The following GRIK1 variants were observed in gnomAD, a reference collection of about 807,000 sequenced individuals.
GRIK1 encodes the protein glutamate receptor ionotropic, kainate 1.
A neutral mutation model predicts 105.7 loss-of-function variants in GRIK1; 69 were observed. The ratio of observed to expected loss-of-function variants is 0.65; its 90% CI spans 0.54 to 0.80. GRIK1 has a LOEUF of 0.80. Among genes scored for constraint, GRIK1 ranks in the 30% least tolerant of loss-of-function variants. The pLI, the probability that GRIK1 is intolerant of heterozygous loss-of-function variation, is 0.00. For synonymous variants in GRIK1, 438 were observed against 431.3 expected (o/e 1.02, Z -0.19); for missense variants, 1,109 against 1,167.3 (o/e 0.95, Z 0.73).
At chr21:29,840,974 A>G (rs2067964300) in intron 1 of GRIK1, among the ~76,000 whole-genome samples, 1 of 152,192 alleles carries the variant, frequency 6.6e-6, no homozygotes, top group Non-Finnish European at 1.5e-5. Flanking sequence ...GATGATTACA[A>G]TAGTTGACTG....
chr21:29,553,975 T>C (rs1308262027), intron 16 of GRIK1, among the ~76,000 whole-genome samples: 1 of 152,162 alleles, frequency 6.6e-6, no homozygotes, highest in Non-Finnish European at 1.5e-5. Context: ...GGGTGTTCAT[T>C]GTTGTCATAG....
intron 1 of GRIK1, among the ~76,000 whole-genome samples, chr21:29,785,468 G>T (rs1407068275): frequency 6.6e-6 from 1 of 150,616 alleles, no homozygotes; most frequent in Non-Finnish European, 1.5e-5. Flanking sequence ...GGAGGTTGAG[G>T]CAGGAGAATC....
At chr21:29,582,978 G>A (rs1192632019) in intron 12 of GRIK1, among the ~76,000 whole-genome samples, 1 of 152,080 alleles carries the variant, frequency 6.6e-6, no homozygotes, top group East Asian at 1.9e-4. Context: ...TCCAGCACAA[G>A]GAAATGAGCA....
rs2063190602 is a variant in GRIK1 at position 29,673,067 on chromosome 21, A to G, written c.642T>C (p.Pro214=). ...TGCCTTTCTTCATCTCCTTGAGTAA[A>G]GGCTTGGCATCTTTATTCCCAGAGG... is the stretch of plus-strand genomic sequence containing the variant. ...QLPSGNKDAK[P]LLKEMKKGKE... Residue 214 remains proline, a synonymous_variant, in exon 4 of 18, where the codon CCT becomes CCC. Coordinates refer to ENST00000327783, the MANE Select transcript of GRIK1 (RefSeq NM_001330994.2). The G allele has an allele frequency of 6.2e-7, 1 of 1,612,496 alleles. No individual in the cohort carries two copies. The highest frequency in any genetic ancestry group is 8.5e-7 in the Non-Finnish European group (1 of 1,178,556).
chr21:29,575,621 C>T (rs2090872440), intron 14 of GRIK1, among the ~76,000 whole-genome samples: 1 of 152,058 alleles, frequency 6.6e-6, no homozygotes, highest in Non-Finnish European at 1.5e-5. Flanking sequence ...ATCACAAGGT[C>T]AGGAGTTCAA....
At chr21:29,621,320 C>T (rs926112163) in intron 7 of GRIK1, among the ~76,000 whole-genome samples, 7 of 152,184 alleles carry the variant, frequency 4.6e-5, no homozygotes, top group African/African-American at 1.7e-4. Context: ...CCTAAGAACA[C>T]TCAAATGTGG....
chr21:29,859,248 A>G (rs997142463), intron 1 of GRIK1, among the ~76,000 whole-genome samples: 1 of 151,948 alleles, frequency 6.6e-6, no homozygotes, highest in Admixed American at 6.6e-5. Flanking sequence ...GCATTAGAAG[A>G]TATACCTAAT....
At chr21:29,637,558 T>TA (rs1464778327) in intron 7 of GRIK1, among the ~76,000 whole-genome samples, 3 of 152,208 alleles carry the variant, frequency 2.0e-5, no homozygotes, top group Non-Finnish European at 2.9e-5. Flanking sequence ...TGGATGGCAC[T>TA]AGTGCCCTTA....
chr21:29,754,064 G>T (rs2065273959), intron 1 of GRIK1, among the ~76,000 whole-genome samples: 1 of 152,120 alleles, frequency 6.6e-6, no homozygotes, highest in Non-Finnish European at 1.5e-5. Flanking sequence ...AGTCTTGGGT[G>T]TTTGAAACTT....
intron 10 of GRIK1, among the ~76,000 whole-genome samples, chr21:29,590,880 G>T (rs746033673): frequency 4.5e-4 from 68 of 152,318 alleles, no homozygotes; most frequent in Middle Eastern, 6.8e-3. Context: ...GACAGAGAGT[G>T]GGGCTGAGCA....
At chr21:29,716,431 C>T (rs1416486300) in intron 1 of GRIK1, among the ~76,000 whole-genome samples, 1 of 152,036 alleles carries the variant, frequency 6.6e-6, no homozygotes, top group Non-Finnish European at 1.5e-5. Context: ...TTAGAGGGCT[C>T]AGAGACAGGA....
chr21:29,623,067 A>G (rs1215918839), intron 7 of GRIK1, among the ~76,000 whole-genome samples: 1 of 152,202 alleles, frequency 6.6e-6, no homozygotes, highest in Non-Finnish European at 1.5e-5. Flanking sequence ...TCCTGCTAAT[A>G]AAAACATACC....
chr21:29,691,278 T>G (rs1029544974), intron 2 of GRIK1, among the ~76,000 whole-genome samples: 1 of 152,086 alleles, frequency 6.6e-6, no homozygotes, highest in African/African-American at 2.4e-5. Flanking sequence ...ACCACAGAAC[T>G]CCAGCTGGGG....
chr21:29,739,229 G>T (rs115074192), intron 1 of GRIK1, among the ~76,000 whole-genome samples: 2,625 of 152,260 alleles, frequency 0.017, 82 homozygotes, highest in African/African-American at 0.06. Context: ...GGATGGTCCA[G>T]GTAGGTCTCT....
chr21:29,850,743 TA>T (rs1289334148), intron 1 of GRIK1, among the ~76,000 whole-genome samples: 2 of 152,214 alleles, frequency 1.3e-5, no homozygotes, highest in Non-Finnish European at 2.9e-5. Context: ...TCATTTTATG[TA>T]AACTCATAAG....
At chr21:29,845,868 T>C (rs1391757047) in intron 1 of GRIK1, among the ~76,000 whole-genome samples, 1 of 152,158 alleles carries the variant, frequency 6.6e-6, no homozygotes, top group East Asian at 1.9e-4. Context: ...ACTGCAGCCT[T>C]GATTCAGCAT....
At chr21:29,616,942 T>A (rs971998175) in intron 7 of GRIK1, among the ~76,000 whole-genome samples, 27 of 152,230 alleles carry the variant, frequency 1.8e-4, no homozygotes, top group Non-Finnish European at 8.8e-5. Context: ...TTAATTAGAA[T>A]AGGTTGGGCT....
chr21:29,765,443 T>C (rs1012552041), intron 1 of GRIK1, among the ~76,000 whole-genome samples: 1 of 152,140 alleles, frequency 6.6e-6, no homozygotes, highest in African/African-American at 2.4e-5. Flanking sequence ...CCTAATGGAT[T>C]CCTCCGTGCT....
chr21:29,838,597 A>G (rs2067877884), intron 1 of GRIK1, among the ~76,000 whole-genome samples: 1 of 152,212 alleles, frequency 6.6e-6, no homozygotes, highest in South Asian at 2.1e-4. Flanking sequence ...CAGAAACAGC[A>G]GAACTAGTAG....
Sources: allele counts gnomAD v4.1 joint callset (sites outside exome capture counted in the v4.1 genomes callset), GRCh38; gene constraint gnomAD v4.1.1; transcripts MANE v1.5; gene names NCBI Gene and HGNC (gene_info 2026-07-23, HGNC 2026-07-21).